KLHL29: variants seen among roughly 807,000 people sequenced by gnomAD.
The protein encoded by KLHL29 is kelch-like protein 29.
A neutral mutation model predicts 80.4 loss-of-function variants in KLHL29; 21 were observed. The ratio of observed to expected loss-of-function variants is 0.26; its 90% CI spans 0.19 to 0.38. The LOEUF (loss-of-function observed/expected upper bound fraction) is 0.38, where lower values mean the gene tolerates loss of function less well. KLHL29 is among the 10% of genes least tolerant of loss of function. The pLI is 1.00. For synonymous variants in KLHL29, 511 were observed against 526.8 expected, an observed-to-expected ratio of 0.97 and a Z score of 0.41; for missense variants, 867 against 1,223.9, an observed-to-expected ratio of 0.71 and a Z score of 4.35.
chr2:23,512,484 A>C (rs1210679927), intron 2 of KLHL29, among the ~76,000 whole-genome samples: 1 of 152,198 alleles, frequency 6.6e-6, no homozygotes, highest in Non-Finnish European at 1.5e-5. Context: ...AATACCTATC[A>C]CATTGTGATA....
chr2:23,570,196 A>G (rs1053905984), intron 3 of KLHL29, among the ~76,000 whole-genome samples: 6 of 152,236 alleles, frequency 3.9e-5, no homozygotes, highest in African/African-American at 1.4e-4. Context: ...GTATGCACTC[A>G]GAGACTGCTG....
At chr2:23,408,512 C>G (rs906564766) in intron 1 of KLHL29, among the ~76,000 whole-genome samples, 5 of 152,080 alleles carry the variant, frequency 3.3e-5, no homozygotes, top group African/African-American at 1.2e-4. Flanking sequence ...CTGTGCTGCT[C>G]TTAGAAACTT....
At chr2:23,417,908 T>C (rs1453188429) in intron 1 of KLHL29, among the ~76,000 whole-genome samples, 1 of 152,160 alleles carries the variant, frequency 6.6e-6, no homozygotes, top group Non-Finnish European at 1.5e-5. Context: ...CATCTGGGTC[T>C]CTTTCTTTTT....
intron 1 of KLHL29, among the ~76,000 whole-genome samples, chr2:23,441,482 GAATAAT>G (rs199836796): frequency 1.4e-4 from 17 of 123,620 alleles, no homozygotes; most frequent in African/African-American, 4.2e-4. Context: ...AGTATAATAA[GAATAAT>G]AATAATAATT....
rs1667713261 is a variant in KLHL29, at chr2:23,571,374, A to G, written c.285+8893A>G. Among the ~76,000 whole-genome samples, 3 of 152,268 alleles carry G rather than the reference A, an allele frequency of 2.0e-5. 1 individual carries two copies. In the South Asian group the frequency reaches 6.2e-4, roughly 32 times the overall value. On this transcript the variant is annotated intron_variant, in intron 3 of 13. Coordinates refer to ENST00000486442, the MANE Select transcript of KLHL29 (RefSeq NM_052920.2). ...AGTGACCTCGTGGTCTGTAGTGGGCATTGCTGCCCATTTGCCCAACGTTCA... is the reference window on the plus strand; with the variant it reads ...AGTGACCTCGTGGTCTGTAGTGGGCGTTGCTGCCCATTTGCCCAACGTTCA...
rs192038370 is a variant in KLHL29, at chr2:23,606,533, C to T, written c.286-32606C>T. ...CCCAAAATTCCGTGTTCATCCTGAC[C>T]GATTTAACAATTAAAGGATCACTTT... is the stretch of plus-strand genomic sequence containing the variant. On this transcript the variant is annotated intron_variant, in intron 3 of 13. Transcript: ENST00000486442. 8.5e-5 allele frequency among the ~76,000 whole-genome samples: 13 copies of T among 152,292 alleles called. No individual in the cohort carries two copies. The East Asian group carries it at 1.2e-3, about 14-fold the overall frequency.
intron 2 of KLHL29, among the ~76,000 whole-genome samples, chr2:23,538,779 C>G (rs1026319636): frequency 2.6e-5 from 4 of 152,166 alleles, no homozygotes; most frequent in Non-Finnish European, 5.9e-5. Context: ...TCTCACTGAT[C>G]TGGAAACCTT....
intron 5 of KLHL29, chr2:23,672,647 A>G (rs979300548): frequency 3.9e-5 from 6 of 151,962 alleles, no homozygotes; most frequent in African/African-American, 1.5e-4. Flanking sequence ...GTGGGCACCT[A>G]TGTCCACACT....
intron 1 of KLHL29, among the ~76,000 whole-genome samples, chr2:23,437,260 C>A (rs1463195970): frequency 6.6e-6 from 1 of 152,232 alleles, no homozygotes; most frequent in Non-Finnish European, 1.5e-5. Context: ...CACAGAACCT[C>A]ATTTAGTTCC....
At chr2:23,393,277 A>G (rs1422034364) in intron 1 of KLHL29, among the ~76,000 whole-genome samples, 1 of 152,200 alleles carries the variant, frequency 6.6e-6, no homozygotes, top group Non-Finnish European at 1.5e-5. Flanking sequence ...ATGGTTTGTC[A>G]TTGTGTGGAA....
At chr2:23,627,908 G>GTTTTTTT (rs1553347328) in intron 3 of KLHL29, among the ~76,000 whole-genome samples, 1 of 37,294 alleles carries the variant, frequency 2.7e-5, no homozygotes, top group Non-Finnish European at 4.4e-5. Flanking sequence ...GAGGCCAGGA[G>GTTTTTTT]TCTTTTTTTT....
chr2:23,646,936 A>G (rs957427943), intron 5 of KLHL29, among the ~76,000 whole-genome samples: 15 of 152,170 alleles, frequency 9.9e-5, no homozygotes, highest in African/African-American at 3.4e-4. Flanking sequence ...CGTACATAGC[A>G]CTGTGCCTGC....
chr2:23,467,795 C>A (rs1664393005), intron 1 of KLHL29, among the ~76,000 whole-genome samples: 1 of 152,128 alleles, frequency 6.6e-6, no homozygotes, highest in Admixed American at 6.6e-5. Context: ...AGGGAGAGAG[C>A]TGGAGGGAGC....
intron 1 of KLHL29, among the ~76,000 whole-genome samples, chr2:23,437,729 T>G (rs62126856): frequency 0.096 from 14,590 of 152,210 alleles, 891 homozygotes; most frequent in African/African-American, 0.17. Flanking sequence ...AGTATAGTTT[T>G]AAGTCAGGTA....
chr2:23,480,960 A>G (rs1180644670), intron 2 of KLHL29, among the ~76,000 whole-genome samples: 1 of 152,140 alleles, frequency 6.6e-6, no homozygotes, highest in Non-Finnish European at 1.5e-5. Context: ...CCACAGACAT[A>G]TTCTTCTCCC....
rs578093005 is a variant in KLHL29, at chr2:23,448,935, T to C, written c.-153-26625T>C. Among the ~76,000 whole-genome samples the C allele has an allele frequency of 7.9e-5, 12 of 152,214 alleles. No homozygotes were observed. In the South Asian group the frequency reaches 2.1e-3, roughly 26 times the overall value. On this transcript the variant is annotated intron_variant, in intron 1 of 13. Transcript: ENST00000486442. Reference sequence around the variant, plus strand: ...CTGGAGGTGCAAAGGAATAGGTCGTTGTCATTTTGCCAACTTTGGCATACA... The same window carrying C: ...CTGGAGGTGCAAAGGAATAGGTCGTCGTCATTTTGCCAACTTTGGCATACA...
At chr2:23,479,672 A>G (rs539230503) in intron 2 of KLHL29, among the ~76,000 whole-genome samples, 4 of 152,182 alleles carry the variant, frequency 2.6e-5, no homozygotes, top group South Asian at 2.1e-4. Flanking sequence ...TGATTCACAT[A>G]TCAGACTCTA....
chr2:23,633,168 C>T (rs570401382), intron 3 of KLHL29, among the ~76,000 whole-genome samples: 12 of 152,270 alleles, frequency 7.9e-5, no homozygotes, highest in South Asian at 6.2e-4. Context: ...GATGAAGGTC[C>T]GGGTACAGGG....
At chr2:23,544,101 C>G (rs1243394781) in intron 2 of KLHL29, among the ~76,000 whole-genome samples, 2 of 152,192 alleles carry the variant, frequency 1.3e-5, no homozygotes, top group African/African-American at 2.4e-5. Context: ...GATGCTGCCC[C>G]CATCAGATAG....
Sources: allele counts gnomAD v4.1 joint callset (sites outside exome capture counted in the v4.1 genomes callset), GRCh38; gene constraint gnomAD v4.1.1; transcripts MANE v1.5; gene names NCBI Gene and HGNC (gene_info 2026-07-23, HGNC 2026-07-21).